The following TXK variants were observed in gnomAD, a reference collection of about 807,000 sequenced individuals.
TXK encodes the protein TXK tyrosine kinase.
Under a neutral mutation model 81.0 loss-of-function variants are expected in TXK, and 60 were observed. The ratio of observed to expected loss-of-function variants is 0.74; its 90% confidence interval spans 0.60 to 0.92. The LOEUF is 0.92. TXK is among the 40% of genes least tolerant of loss of function. TXK has a pLI of 0.00. For missense variants in TXK, 581 were observed against 638.3 expected (o/e 0.91, Z 0.97); for synonymous variants, 203 against 210.7 (o/e 0.96, Z 0.32).
chr4:48,127,391 A>G (rs1036554441), intron 1 of TXK, among the ~76,000 whole-genome samples: 2 of 152,240 alleles, frequency 1.3e-5, no homozygotes, highest in Non-Finnish European at 2.9e-5. Flanking sequence ...GTAAATAGAC[A>G]GCGCCCTTCC....
intron 10 of TXK, among the ~76,000 whole-genome samples, chr4:48,080,975 CTG>C (rs1227217261): frequency 6.6e-6 from 1 of 152,070 alleles, no homozygotes; most frequent in African/African-American, 2.4e-5. Flanking sequence ...CTTGGGAAGA[CTG>C]TGTACCTTAA....
In TXK at chr4:48,112,481, C is replaced by T. The variant is rs776450131; in HGVS notation, c.206G>A (p.Arg69Gln). The T allele has an allele frequency of 4.3e-6, 7 of 1,613,938 alleles. No homozygotes were observed. The highest frequency in any genetic ancestry group is 3.3e-5 in the South Asian group (3 of 91,054). ...SNTGRVQPSK[R>Q]KPLPPLPPSE... ...GGGTGGGAGGGGAGGCAGTGGCTTT[C>T]GTTTTGACGGCTGCACACGGCCCGT... The change falls in exon 4 of 15, where the codon CGA becomes CAA. Residue 69 changes from arginine to glutamine, a missense_variant. Arg to Gln is a conservative substitution (Grantham distance 43, BLOSUM62 1). Coordinates refer to ENST00000264316, the MANE Select transcript of TXK (RefSeq NM_003328.3).
intron 12 of TXK, among the ~76,000 whole-genome samples, chr4:48,075,722 T>C (rs1242308968): frequency 1.3e-5 from 2 of 152,034 alleles, no homozygotes; most frequent in South Asian, 2.1e-4. Context: ...CCTGTTTGAA[T>C]GGCCAGCCAA....
intron 6 of TXK, among the ~76,000 whole-genome samples, chr4:48,100,029 G>A (rs540699652): frequency 3.0e-4 from 46 of 151,606 alleles, no homozygotes; most frequent in African/African-American, 1.1e-3. Flanking sequence ...AAAATTAGCC[G>A]GGCGCAGTGG....
At chr4:48,124,706 T>TG (rs1030562645) in intron 1 of TXK, among the ~76,000 whole-genome samples, 33 of 152,262 alleles carry the variant, frequency 2.2e-4, no homozygotes, top group Non-Finnish European at 3.5e-4. Context: ...CCAGCATTTG[T>TG]GGGGGCTCAT....
chr4:48,078,088 A>G (rs1027535400), intron 11 of TXK, among the ~76,000 whole-genome samples: 2 of 152,200 alleles, frequency 1.3e-5, no homozygotes, highest in African/African-American at 4.8e-5. Flanking sequence ...AAAGCTTCCA[A>G]GTAATTGTAA....
At chr4:48,106,950 CCA>C (rs1274853436) in intron 5 of TXK, among the ~76,000 whole-genome samples, 1 of 151,962 alleles carries the variant, frequency 6.6e-6, no homozygotes, top group African/African-American at 2.4e-5. Context: ...ACTTGATTTC[CCA>C]CATTTATAAG....
Position 48,132,335 on chromosome 4 carries a change from C to T in TXK, c.16+1820G>A, listed in dbSNP as rs761609113. On this transcript the variant is annotated intron_variant, in intron 1 of 14. Transcript: ENST00000264316. ...CTTAGAGGTAAATTAATAAGTATTT[C>T]CAAAACTGCACATGGGACTGAATAG... Among the ~76,000 whole-genome samples the T allele has an allele frequency of 2.6e-5, 4 of 152,102 alleles. No individual in the cohort carries two copies. In the South Asian group the frequency reaches 6.2e-4, roughly 24 times the overall value.
At chr4:48,096,709 T>C (rs907312180) in intron 6 of TXK, among the ~76,000 whole-genome samples, 4 of 151,904 alleles carry the variant, frequency 2.6e-5, no homozygotes, top group Non-Finnish European at 4.4e-5. Flanking sequence ...TTGTATTTTT[T>C]GTGGAGACAA....
chr4:48,074,809 C>A (rs1717001543), intron 12 of TXK, among the ~76,000 whole-genome samples: 2 of 152,082 alleles, frequency 1.3e-5, no homozygotes, highest in African/African-American at 4.8e-5. Flanking sequence ...TACACTACCT[C>A]CCTCCACCTG....
At chr4:48,093,939 C>CAAAAGATAAGTTGTACTTCAAGCTTTT (rs1717875529) in intron 8 of TXK, 138 bp downstream of exon 8, 1 of 1,227,642 alleles carries the variant, frequency 8.1e-7, no homozygotes, top group Admixed American at 2.1e-5. Flanking sequence ...GATAATTGCT[C>CAAAAGATAAGTTGTACTTCAAGCTTTT]AAAAGATAAG....
chr4:48,078,684 G>GA (rs1054435401), intron 11 of TXK, among the ~76,000 whole-genome samples: 8 of 152,172 alleles, frequency 5.3e-5, no homozygotes, highest in African/African-American at 1.7e-4. Flanking sequence ...GAGCATTACA[G>GA]AAAAAAATAA....
intron 13 of TXK, 114 bp downstream of exon 13, chr4:48,073,821 T>C: frequency 5.5e-6 from 4 of 729,282 alleles, no homozygotes; most frequent in Non-Finnish European, 9.2e-6. Flanking sequence ...GGAAGCACAA[T>C]TACAAGAAGA....
intron 6 of TXK, among the ~76,000 whole-genome samples, chr4:48,100,745 G>A (rs1397605828): frequency 6.6e-6 from 1 of 152,128 alleles, no homozygotes; most frequent in Non-Finnish European, 1.5e-5. Context: ...GTTATGGATG[G>A]TAGCATTGTT....
chr4:48,083,838 G>T (rs1376099626), intron 10 of TXK, among the ~76,000 whole-genome samples: 1 of 152,162 alleles, frequency 6.6e-6, no homozygotes, highest in African/African-American at 2.4e-5. Context: ...CAAGTACTTT[G>T]ATGGAACTAA....
chr4:48,105,185 C>CT (rs1386666511), intron 5 of TXK, among the ~76,000 whole-genome samples: 1 of 151,834 alleles, frequency 6.6e-6, no homozygotes, highest in East Asian at 1.9e-4. Context: ...ATTCAGCTTC[C>CT]AATATACACT....
At chr4:48,069,936 C>A (rs1577642852) in intron 14 of TXK, among the ~76,000 whole-genome samples, 1 of 152,262 alleles carries the variant, frequency 6.6e-6, no homozygotes, top group East Asian at 1.9e-4. Flanking sequence ...ACATTTTTTT[C>A]TTACAGCTTG....
intron 14 of TXK, among the ~76,000 whole-genome samples, chr4:48,069,526 C>T (rs1032636482): frequency 5.9e-5 from 9 of 151,864 alleles, no homozygotes; most frequent in Non-Finnish European, 5.9e-5. Context: ...CGGGGTTTCA[C>T]CATGTTAGCC....
chr4:48,114,679 C>A, intron 1 of TXK: 1 of 386,812 alleles, frequency 2.6e-6, no homozygotes, highest in Non-Finnish European at 4.7e-6. Flanking sequence ...TTCTCTTTTA[C>A]CTTTGTCAGG....
Sources: allele counts gnomAD v4.1 joint callset (sites outside exome capture counted in the v4.1 genomes callset), GRCh38; gene constraint gnomAD v4.1.1; transcripts MANE v1.5; gene names NCBI Gene and HGNC (gene_info 2026-07-23, HGNC 2026-07-21).